CSMD1: variants seen among roughly 807,000 people sequenced by gnomAD.
CSMD1 encodes CUB and Sushi multiple domains 1.
CSMD1 carries 213 observed loss-of-function variants against 417.5 expected under a neutral mutation model. That is an observed-to-expected ratio of 0.51 (90% confidence interval 0.46 to 0.57). CSMD1 has a LOEUF of 0.57. Among genes scored for constraint, CSMD1 ranks in the 20% least tolerant of loss-of-function variants. The pLI is 0.00. For missense variants in CSMD1, 6,923 were observed against 4,529.7 expected (o/e 1.53, Z -15.17); for synonymous variants, 2,862 against 1,736.8 (o/e 1.65, Z -16.11).
intron 5 of CSMD1, among the ~76,000 whole-genome samples, chr8:3,851,285 A>T (rs1206549815): frequency 6.6e-6 from 1 of 152,210 alleles, no homozygotes; most frequent in Non-Finnish European, 1.5e-5. Flanking sequence ...GTCTTTAGGG[A>T]CTGGTCTTTT....
chr8:3,017,909 T>G (rs943157046), intron 52 of CSMD1, among the ~76,000 whole-genome samples: 2 of 147,204 alleles, frequency 1.4e-5, no homozygotes, highest in African/African-American at 5.0e-5. Flanking sequence ...GCAGACCTAC[T>G]AAGATCACTC....
intron 3 of CSMD1, among the ~76,000 whole-genome samples, chr8:4,320,400 G>A (rs957672985): frequency 5.9e-5 from 9 of 152,120 alleles, no homozygotes; most frequent in South Asian, 2.1e-4. Flanking sequence ...GGGTACATGT[G>A]TAGAATGTGC....
intron 3 of CSMD1, among the ~76,000 whole-genome samples, chr8:4,297,009 G>T (rs865824818): frequency 1.3e-5 from 2 of 152,108 alleles, no homozygotes; most frequent in African/African-American, 2.4e-5. Flanking sequence ...ACAGGAATAG[G>T]AAGTGCTGGG....
At chr8:3,626,159 G>A (rs1170303292) in intron 7 of CSMD1, among the ~76,000 whole-genome samples, 2 of 152,178 alleles carry the variant, frequency 1.3e-5, no homozygotes, top group Admixed American at 6.5e-5. Flanking sequence ...ACCAAAGAGC[G>A]ACGTCTCTAT....
At chr8:4,654,888 C>T (rs778929525) in intron 1 of CSMD1, among the ~76,000 whole-genome samples, 17 of 151,972 alleles carry the variant, frequency 1.1e-4, no homozygotes, top group Non-Finnish European at 2.2e-4. Flanking sequence ...TGAAAAACTA[C>T]CTATTATACA....
At chr8:4,674,845 G>T (rs750648018) in intron 1 of CSMD1, among the ~76,000 whole-genome samples, 1 of 151,176 alleles carries the variant, frequency 6.6e-6, no homozygotes, top group Non-Finnish European at 1.5e-5. Context: ...TGGAGGTGGG[G>T]CATTTAGGAG....
intron 2 of CSMD1, among the ~76,000 whole-genome samples, chr8:4,468,555 G>T (rs1188549351): frequency 2.0e-5 from 3 of 152,074 alleles, no homozygotes; most frequent in Non-Finnish European, 2.9e-5. Context: ...CTTGTCCCCA[G>T]CTAAATCCTC....
chr8:4,077,125 G>A (rs1399878177), intron 3 of CSMD1, among the ~76,000 whole-genome samples: 2 of 151,624 alleles, frequency 1.3e-5, no homozygotes, highest in Non-Finnish European at 2.9e-5. Flanking sequence ...TGATGAGTAT[G>A]ATGAAGTCAA....
At chr8:3,330,709 C>G (rs1265230398) in intron 23 of CSMD1, among the ~76,000 whole-genome samples, 7 of 151,988 alleles carry the variant, frequency 4.6e-5, no homozygotes, top group African/African-American at 1.7e-4. Flanking sequence ...ATGAGTTTAC[C>G]CAAATAACAA....
rs111926962 is a variant in CSMD1, at chr8:3,966,504, G to C, written c.818+31399C>G. On this transcript the variant is annotated intron_variant, in intron 5 of 69. Coordinates refer to ENST00000635120, the MANE Select transcript of CSMD1 (RefSeq NM_033225.6). ...TATTTATTTATTGGGAGAAACAGGA[G>C]AATCAGTTCCTGGGAGAAAATTGTA... is the stretch of plus-strand genomic sequence containing the variant. 4.9e-3 allele frequency among the ~76,000 whole-genome samples: 744 copies of C among 152,206 alleles called. 6 individuals are homozygous for C. Among genetic ancestry groups the C allele is most frequent in the African/African-American group, 0.017 (688 of 41,516 alleles).
intron 10 of CSMD1, among the ~76,000 whole-genome samples, chr8:3,531,603 G>A (rs996894916): frequency 3.3e-5 from 5 of 152,166 alleles, no homozygotes; most frequent in African/African-American, 4.8e-5. Flanking sequence ...CCCCGTGGGA[G>A]GCTGGTCCAC....
At chr8:4,648,133 C>T (rs531347407) in intron 1 of CSMD1, among the ~76,000 whole-genome samples, 1 of 152,248 alleles carries the variant, frequency 6.6e-6, no homozygotes, top group African/African-American at 2.4e-5. Context: ...TGGCATCTCA[C>T]TGTGGTTTTG....
intron 10 of CSMD1, among the ~76,000 whole-genome samples, chr8:3,509,057 C>G (rs764053975): frequency 1.7e-4 from 26 of 152,158 alleles, no homozygotes; most frequent in Non-Finnish European, 2.1e-4. Flanking sequence ...TATCAGCGGT[C>G]CATGTGCCAG....
intron 1 of CSMD1, among the ~76,000 whole-genome samples, chr8:4,903,432 T>A (rs977362430): frequency 6.6e-6 from 1 of 152,120 alleles, no homozygotes; most frequent in Non-Finnish European, 1.5e-5. Flanking sequence ...TTTTTTACCC[T>A]TGAGAATGAT....
chr8:3,120,276 G>A (rs567797101), intron 41 of CSMD1, among the ~76,000 whole-genome samples: 1 of 152,222 alleles, frequency 6.6e-6, no homozygotes, highest in African/African-American at 2.4e-5. Flanking sequence ...GGCAGCTAAG[G>A]CTCAGAATAT....
chr8:3,228,351 A>T (rs1798637361), intron 27 of CSMD1, among the ~76,000 whole-genome samples: 1 of 152,252 alleles, frequency 6.6e-6, no homozygotes, highest in African/African-American at 2.4e-5. Context: ...CATAAACCTC[A>T]TTCCTAAAAA....
intron 1 of CSMD1, among the ~76,000 whole-genome samples, chr8:4,775,821 G>T (rs1796825772): frequency 6.6e-6 from 1 of 152,098 alleles, no homozygotes; most frequent in African/African-American, 2.4e-5. Flanking sequence ...AAACCAATCA[G>T]AAAGTTCCCC....
chr8:4,866,267 T>C (rs1379963434), intron 1 of CSMD1, among the ~76,000 whole-genome samples: 1 of 151,958 alleles, frequency 6.6e-6, no homozygotes, highest in Non-Finnish European at 1.5e-5. Context: ...CTCTTCACTT[T>C]CTTGGTTCTT....
chr8:3,426,242 C>G (rs112612129), intron 12 of CSMD1, among the ~76,000 whole-genome samples: 1 of 152,166 alleles, frequency 6.6e-6, no homozygotes, highest in Non-Finnish European at 1.5e-5. Flanking sequence ...ACACACTACT[C>G]CTAAACGTTC....
Sources: gnomAD v4.1 joint callset for allele counts (sites outside exome capture counted in the v4.1 genomes callset) on GRCh38, gnomAD v4.1.1 for gene constraint, MANE v1.5 for transcripts, NCBI Gene and HGNC (gene_info 2026-07-23, HGNC 2026-07-21) for gene names.